Variants in COX7B2 observed in about 807,000 individuals in gnomAD.
COX7B2 encodes cytochrome c oxidase subunit 7B2, also known as cytochrome c oxidase subunit 7B2, mitochondrial.
For synonymous variants in COX7B2, 37 were observed against 32.1 expected (o/e 1.15, Z -0.51); for missense variants, 109 against 95.9 (o/e 1.14, Z -0.57).
chr4:46,905,658 G>A (rs965295970), intron 1 of COX7B2, among the ~76,000 whole-genome samples: 2 of 151,986 alleles, frequency 1.3e-5, no homozygotes, highest in Non-Finnish European at 2.9e-5. Flanking sequence ...AGTTCACCAG[G>A]TTTTAATTAA....
chr4:46,830,152 C>T (rs1474069496), intron 2 of COX7B2, among the ~76,000 whole-genome samples: 2 of 151,666 alleles, frequency 1.3e-5, no homozygotes, highest in Non-Finnish European at 2.9e-5. Context: ...GGTGAAACCC[C>T]GTCTGTACTA....
chr4:46,878,642 T>G (rs1322314563), intron 1 of COX7B2, among the ~76,000 whole-genome samples: 1 of 152,148 alleles, frequency 6.6e-6, no homozygotes, highest in African/African-American at 2.4e-5. Flanking sequence ...GGAAAATATG[T>G]TGGCTGTAAA....
At chr4:46,805,164 T>C (rs566656580) in intron 2 of COX7B2, among the ~76,000 whole-genome samples, 158 of 152,250 alleles carry the variant, frequency 1.0e-3, no homozygotes, top group African/African-American at 3.6e-3. Context: ...TTCCCACCCA[T>C]GCCTCTCCCT....
intron 2 of COX7B2, among the ~76,000 whole-genome samples, chr4:46,790,610 T>C (rs1411056881): frequency 6.6e-6 from 1 of 152,176 alleles, no homozygotes; most frequent in Non-Finnish European, 1.5e-5. Context: ...ACTTTTAGTA[T>C]TTCACCTTCC....
intron 1 of COX7B2, among the ~76,000 whole-genome samples, chr4:46,884,193 GTGTT>G (rs1158675732): frequency 2.0e-5 from 3 of 151,860 alleles, no homozygotes; most frequent in Non-Finnish European, 2.9e-5. Context: ...GGTGGTGGTG[GTGTT>G]TGTTTGTTTT....
chr4:46,741,604 G>A (rs1169052117), intron 2 of COX7B2, among the ~76,000 whole-genome samples: 1 of 151,922 alleles, frequency 6.6e-6, no homozygotes, highest in African/African-American at 2.4e-5. Flanking sequence ...CCTACCATGG[G>A]ATGCAAAAAT....
chr4:46,734,837 T>A lies in COX7B2; in HGVS notation c.*110A>T, dbSNP rs1200486072. ...ACCATTTGCAATGACTTTTTAAAGA[T>A]TTAAAACACATTTTATTTTTTCAAT... On this transcript the variant is annotated 3_prime_UTR_variant, in exon 3 of 3. Coordinates refer to ENST00000355591, the MANE Select transcript of COX7B2 (RefSeq NM_130902.3). 3 of 1,328,168 alleles carry A rather than the reference T, an allele frequency of 2.3e-6. No individual in the cohort carries two copies. Among genetic ancestry groups the A allele is most frequent in the African/African-American group, 1.5e-5 (1 of 67,636 alleles). 82.3% of individuals were successfully genotyped at this position (1,328,168 alleles called of 1,614,324 possible).
At chr4:46,794,140 A>G (rs1192092205) in intron 2 of COX7B2, among the ~76,000 whole-genome samples, 1 of 152,226 alleles carries the variant, frequency 6.6e-6, no homozygotes, top group Non-Finnish European at 1.5e-5. Context: ...ACACTCTGAA[A>G]CAACTACTTG....
At chr4:46,739,957 G>A (rs979851204) in intron 2 of COX7B2, among the ~76,000 whole-genome samples, 5 of 151,850 alleles carry the variant, frequency 3.3e-5, no homozygotes, top group African/African-American at 1.2e-4. Context: ...AAACTTTGCT[G>A]TTGAGTTAAC....
At chr4:46,742,673 T>C (rs1577648213) in intron 2 of COX7B2, among the ~76,000 whole-genome samples, 1 of 152,250 alleles carries the variant, frequency 6.6e-6, no homozygotes, top group Middle Eastern at 3.4e-3. Flanking sequence ...AAATGGATGC[T>C]ACCTAAACAA....
At chr4:46,867,951 T>C (rs2109816149) in intron 1 of COX7B2, among the ~76,000 whole-genome samples, 1 of 152,298 alleles carries the variant, frequency 6.6e-6, no homozygotes, top group South Asian at 2.1e-4. Flanking sequence ...GTAGAAATGG[T>C]ATAAGATCTT....
At chr4:46,829,396 G>A (rs1714916603) in intron 2 of COX7B2, among the ~76,000 whole-genome samples, 4 of 151,826 alleles carry the variant, frequency 2.6e-5, no homozygotes, top group African/African-American at 9.7e-5. Flanking sequence ...TTTATCTTTT[G>A]GAAAAATTGC....
chr4:46,822,751 T>C (rs1281012443), intron 2 of COX7B2, among the ~76,000 whole-genome samples: 1 of 152,132 alleles, frequency 6.6e-6, no homozygotes, highest in Non-Finnish European at 1.5e-5. Flanking sequence ...TCCCAGATTC[T>C]AAAACTAGAT....
At chr4:46,750,892 T>A (rs1005869963) in intron 2 of COX7B2, among the ~76,000 whole-genome samples, 1 of 152,172 alleles carries the variant, frequency 6.6e-6, no homozygotes, top group Non-Finnish European at 1.5e-5. Context: ...TGCACCCTTA[T>A]AACCTCATTT....
intron 2 of COX7B2, among the ~76,000 whole-genome samples, chr4:46,807,670 T>G (rs1719073296): frequency 6.6e-6 from 1 of 151,860 alleles, no homozygotes; most frequent in African/African-American, 2.4e-5. Flanking sequence ...TTTTATCCAT[T>G]TTGGGTTGAC....
At chr4:46,740,523 T>A (rs1714642791) in intron 2 of COX7B2, among the ~76,000 whole-genome samples, 1 of 152,074 alleles carries the variant, frequency 6.6e-6, no homozygotes, top group South Asian at 2.1e-4. Context: ...TTAAGAAGAT[T>A]CCAAACGTAA....
chr4:46,858,573 C>T (rs1007443910), intron 1 of COX7B2, among the ~76,000 whole-genome samples: 6 of 152,000 alleles, frequency 3.9e-5, no homozygotes, highest in African/African-American at 1.2e-4. Flanking sequence ...CAAAGTTATA[C>T]CTGACCTAAT....
rs912688686 is a variant in COX7B2, at chr4:46,909,193, G to A, written c.-138C>T. 6.6e-6 allele frequency: 1 copy of A among 152,132 alleles called. No individual in the cohort carries two copies. Among genetic ancestry groups the A allele is most frequent in the African/African-American group, 2.4e-5 (1 of 41,440 alleles). The allele number at this position is 152,132 out of a possible 1,614,324, so 9.4% of individuals were successfully genotyped here. ...TCACAGGTAACAGGCAAAAAAAGAC[G>A]GCGCAGAGGCAAATTCCGAACCTTT... is the stretch of plus-strand genomic sequence containing the variant. On this transcript the variant is annotated 5_prime_UTR_variant, in exon 1 of 3. Transcript: ENST00000355591.
rs1388230211 is a variant in COX7B2 at position 46,885,217 on chromosome 4, C to A, written c.-105+23943G>T. ...TTATTGAAAATTATAATATATAAGG[C>A]ACTACTGGATATAAATGTGAATTTA... On this transcript the variant is annotated intron_variant, in intron 1 of 2. Transcript: ENST00000355591. 3.3e-5 allele frequency among the ~76,000 whole-genome samples: 5 copies of A among 152,112 alleles called. No homozygotes were observed. The East Asian group carries it at 7.7e-4, about 23-fold the overall frequency.
Sources: allele counts gnomAD v4.1 joint callset (sites outside exome capture counted in the v4.1 genomes callset), GRCh38; gene constraint gnomAD v4.1.1; transcripts MANE v1.5; gene names NCBI Gene and HGNC (gene_info 2026-07-23, HGNC 2026-07-21).